The following SNTG1 variants were observed in gnomAD, a reference collection of about 807,000 sequenced individuals.
SNTG1 encodes gamma-1-syntrophin.
In SNTG1, 39 loss-of-function variants were observed where a neutral mutation model predicts 74.7. The ratio of observed to expected loss-of-function variants is 0.52; its 90% CI spans 0.40 to 0.68. The LOEUF is 0.68. Among genes scored for constraint, SNTG1 ranks in the 30% least tolerant of loss-of-function variants. The pLI is 0.00. For missense variants in SNTG1, 685 were observed against 609.5 expected (o/e 1.12, Z -1.30); for synonymous variants, 254 against 217.1 (o/e 1.17, Z -1.49).
At chr8:50,771,294 T>A (rs1249791344) in intron 18 of SNTG1, among the ~76,000 whole-genome samples, 1 of 152,016 alleles carries the variant, frequency 6.6e-6, no homozygotes, top group Non-Finnish European at 1.5e-5. Context: ...CCATTAGAAA[T>A]AAAAACAGTG....
At position 50,101,151 on chromosome 8, in the gene SNTG1, T is replaced by G. The variant is rs147453627; in HGVS notation, c.-102-71410T>G. Among the ~76,000 whole-genome samples, 538 of 152,254 alleles carry G rather than the reference T, an allele frequency of 3.5e-3. 5 individuals carry two copies. Among genetic ancestry groups the G allele is most frequent in the African/African-American group, 0.012 (519 of 41,564 alleles). ...GCTGCATAGTATTCCATGGTATATA[T>G]GTACCACATTTTCCTTACGCAATCC... On this transcript the variant is annotated intron_variant, in intron 1 of 18. Coordinates refer to ENST00000642720, the MANE Select transcript of SNTG1 (RefSeq NM_018967.5).
At chr8:50,685,950 A>ATG (rs146281873) in intron 15 of SNTG1, among the ~76,000 whole-genome samples, 3 of 151,258 alleles carry the variant, frequency 2.0e-5, no homozygotes, top group East Asian at 1.9e-4. Flanking sequence ...TTATAGAGAC[A>ATG]TGTGTGTGTG....
chr8:50,192,959 T>C (rs1048856046), intron 2 of SNTG1, among the ~76,000 whole-genome samples: 9 of 152,148 alleles, frequency 5.9e-5, no homozygotes, highest in South Asian at 4.1e-4. Context: ...CAGTTGACTG[T>C]AAGTATTTGG....
At chr8:50,053,669 A>C (rs1470937522) in intron 1 of SNTG1, among the ~76,000 whole-genome samples, 1 of 117,734 alleles carries the variant, frequency 8.5e-6, no homozygotes, top group African/African-American at 4.7e-5. Flanking sequence ...ATAATCCAGG[A>C]TAGTATCCTG....
chr8:50,005,913 T>A (rs1815177243), intron 1 of SNTG1, among the ~76,000 whole-genome samples: 1 of 151,740 alleles, frequency 6.6e-6, no homozygotes, highest in Non-Finnish European at 1.5e-5. Flanking sequence ...TAGCTTGCTG[T>A]ATTTATTTCT....
intron 1 of SNTG1, among the ~76,000 whole-genome samples, chr8:50,143,422 G>A (rs1167699166): frequency 6.6e-6 from 1 of 152,138 alleles, no homozygotes; most frequent in African/African-American, 2.4e-5. Flanking sequence ...TTTTAGCAGT[G>A]GAAGGGATGA....
rs933793302 is a variant in SNTG1, at chr8:50,005,762, A to C, written c.-103+93531A>C. ...AGATTTGCTGATGTGAATATTGCCT[A>C]TTTTGTGACTGTAAAAGGTCCCCTA... On this transcript the variant is annotated intron_variant, in intron 1 of 18. Coordinates refer to ENST00000642720, the MANE Select transcript of SNTG1 (RefSeq NM_018967.5). Among the ~76,000 whole-genome samples, 4 of 151,970 alleles carry C rather than the reference A, an allele frequency of 2.6e-5. No homozygotes were observed. The East Asian group carries it at 5.8e-4, about 22-fold the overall frequency.
chr8:50,157,935 G>C (rs905326019), intron 1 of SNTG1, among the ~76,000 whole-genome samples: 6 of 152,114 alleles, frequency 3.9e-5, no homozygotes, highest in African/African-American at 1.4e-4. Flanking sequence ...AAAGCAATAA[G>C]TGGTTGTTAG....
At chr8:50,711,132 C>G (rs2095460432) in intron 17 of SNTG1, among the ~76,000 whole-genome samples, 1 of 151,990 alleles carries the variant, frequency 6.6e-6, no homozygotes, top group Admixed American at 6.6e-5. Context: ...AAACTTGCAC[C>G]CCTTCATCAG....
intron 4 of SNTG1, among the ~76,000 whole-genome samples, chr8:50,427,219 T>C (rs1301690309): frequency 6.6e-6 from 1 of 152,174 alleles, no homozygotes; most frequent in East Asian, 1.9e-4. Context: ...ATTACCATTA[T>C]GATAAAAGTT....
intron 1 of SNTG1, among the ~76,000 whole-genome samples, chr8:50,120,975 T>C (rs562069692): frequency 7.0e-6 from 1 of 141,984 alleles, no homozygotes; most frequent in African/African-American, 2.5e-5. Context: ...ATCTGACTTA[T>C]AGGAAACACT....
intron 11 of SNTG1, among the ~76,000 whole-genome samples, chr8:50,537,051 T>TAG (rs1442822931): frequency 6.6e-6 from 1 of 152,204 alleles, no homozygotes; most frequent in Non-Finnish European, 1.5e-5. Context: ...AATAGATAGT[T>TAG]TTATTAAGTT....
At chr8:50,526,390 G>A (rs1214809030) in intron 9 of SNTG1, among the ~76,000 whole-genome samples, 1 of 152,122 alleles carries the variant, frequency 6.6e-6, no homozygotes, top group African/African-American at 2.4e-5. Context: ...GGGCTGTCAT[G>A]GGTGAAATGA....
chr8:50,597,298 C>CAT (rs1390836901), intron 13 of SNTG1, among the ~76,000 whole-genome samples: 2 of 149,686 alleles, frequency 1.3e-5, no homozygotes, highest in Non-Finnish European at 3.0e-5. Context: ...TATACACACA[C>CAT]ATATATATAC....
chr8:50,154,670 C>T (rs920013564), intron 1 of SNTG1, among the ~76,000 whole-genome samples: 8 of 152,140 alleles, frequency 5.3e-5, no homozygotes, highest in South Asian at 2.1e-4. Flanking sequence ...CTAGTCTAAC[C>T]ATGGGGAAGC....
At chr8:50,477,551 C>G (rs996961753) in intron 8 of SNTG1, among the ~76,000 whole-genome samples, 1 of 151,962 alleles carries the variant, frequency 6.6e-6, no homozygotes, top group Non-Finnish European at 1.5e-5. Context: ...GACAGAACAA[C>G]TAAATGTAAT....
At chr8:50,199,442 T>G (rs972067237) in intron 2 of SNTG1, among the ~76,000 whole-genome samples, 1 of 152,092 alleles carries the variant, frequency 6.6e-6, no homozygotes, top group African/African-American at 2.4e-5. Flanking sequence ...GGTCTCGAAC[T>G]CTTGACCTCA....
At chr8:50,140,804 A>C (rs920265659) in intron 1 of SNTG1, among the ~76,000 whole-genome samples, 1 of 152,190 alleles carries the variant, frequency 6.6e-6, no homozygotes, top group Non-Finnish European at 1.5e-5. Flanking sequence ...TCTTTAAAAC[A>C]TGGTCATTTT....
intron 15 of SNTG1, among the ~76,000 whole-genome samples, chr8:50,671,571 T>A (rs1313227618): frequency 6.6e-6 from 1 of 152,010 alleles, no homozygotes; most frequent in East Asian, 1.9e-4. Flanking sequence ...TGTGGAGAAA[T>A]AGGAACACTT....
Sources: allele counts gnomAD v4.1 joint callset (sites outside exome capture counted in the v4.1 genomes callset), GRCh38; gene constraint gnomAD v4.1.1; transcripts MANE v1.5; gene names NCBI Gene and HGNC (gene_info 2026-07-23, HGNC 2026-07-21).